The following ATP2B3 variants were observed in gnomAD, a reference collection of about 807,000 sequenced individuals.
The protein encoded by ATP2B3 is plasma membrane calcium-transporting ATPase 3.
Under a neutral mutation model 70.8 loss-of-function variants are expected in ATP2B3, and 12 were observed. The observed-to-expected ratio is 0.17, with a 90% CI of 0.11 to 0.27. The LOEUF (loss-of-function observed/expected upper bound fraction) is 0.27. ATP2B3 is among the 10% of genes least tolerant of loss of function. ATP2B3 has a pLI of 1.00. For synonymous variants in ATP2B3, 460 were observed against 497.8 expected (o/e 0.92, Z 1.01); for missense variants, 858 against 1,118.5 (o/e 0.77, Z 3.32).
intron 21 of ATP2B3, among the ~76,000 whole-genome samples, chrX:153,577,758 T>C (rs782143266): frequency 9.0e-6 from 1 of 111,668 alleles, no homozygotes; most frequent in East Asian, 2.8e-4. Context: ...AAAATTCCAA[T>C]GTGGAGCTTT....
Position 153,530,220 on chromosome X carries a change from G to C in ATP2B3, c.-126-5902G>C, listed in dbSNP as rs185382989. On this transcript the variant is annotated intron_variant, in intron 2 of 21. Coordinates refer to ENST00000263519, the MANE Select transcript of ATP2B3 (RefSeq NM_001001344.3). ...TGAAGGCAGGCAAATGTGTGGTCTC[G>C]AGCTTGACTAGACACCCAGATCCCC... Among the ~76,000 whole-genome samples, 4 of 112,138 alleles carry C rather than the reference G, an allele frequency of 3.6e-5. No homozygotes were observed. The Admixed American group carries it at 3.7e-4, about 10-fold the overall frequency.
At position 153,543,091 on chromosome X, in the gene ATP2B3, G is replaced by A; in HGVS notation, c.839G>A (p.Gly280Asp). Residue 280 changes from glycine (G) to aspartate (D), a missense_variant, in exon 7 of 22, where the codon GGC (glycine) becomes GAC (aspartate). This residue lies in a region of ATP2B3 where 278 missense variants were observed against 366.2 expected (regional missense o/e 0.76). Transcript: ENST00000263519. ...GGAAGAATGGTGGTGACCGCCGTTG[G>A]CGTGAATTCCCAGACAGGCATCATC... ...GSGRMVVTAV[G>D]VNSQTGIIFT... The A allele has an allele frequency of 8.2e-7, 1 of 1,212,255 alleles. No homozygotes were observed. The highest frequency in any genetic ancestry group is 1.1e-6 in the Non-Finnish European group (1 of 895,512).
intron 21 of ATP2B3, among the ~76,000 whole-genome samples, chrX:153,565,506 C>T (rs782512815): frequency 8.9e-6 from 1 of 112,682 alleles, no homozygotes; most frequent in South Asian, 3.6e-4. Flanking sequence ...CAGCCACCAG[C>T]GAGCTCAAGG....
intron 21 of ATP2B3, among the ~76,000 whole-genome samples, chrX:153,567,373 C>T (rs1448143838): frequency 8.8e-6 from 1 of 113,600 alleles, no homozygotes; most frequent in African/African-American, 3.2e-5. Context: ...ATGGGCCCCC[C>T]AGCTGCCCCC....
At position 153,553,275 on chromosome X, in the gene ATP2B3, C is replaced by T; in HGVS notation, c.2058+6C>T. The stretch of plus-strand genomic sequence containing the variant: ...AGGACCCTGTGCGGCCCGAGGTAGC[C>T]ACCACCTTCTCTGTGAGCTGCCCTG... On this transcript the variant is annotated splice_donor_region_variant and intron_variant, in intron 13 of 21. Coordinates refer to ENST00000263519, the MANE Select transcript of ATP2B3 (RefSeq NM_001001344.3). 3.4e-6 allele frequency: 4 copies of T among 1,193,286 alleles called. No homozygotes were observed. The highest frequency in any genetic ancestry group is 4.5e-6 in the Non-Finnish European group (4 of 881,474).
At chrX:153,538,346 G>A (rs938209186) in intron 3 of ATP2B3, among the ~76,000 whole-genome samples, 1 of 113,180 alleles carries the variant, frequency 8.8e-6, no homozygotes, top group Non-Finnish European at 1.9e-5. Context: ...TGGGGCAGGT[G>A]CTTTATGGCG....
chrX:153,566,781 G>A (rs1377409086), intron 21 of ATP2B3, among the ~76,000 whole-genome samples: 9 of 111,160 alleles, frequency 8.1e-5, no homozygotes, highest in African/African-American at 2.9e-4. Context: ...GCCCGCCTGT[G>A]CCACTGCACC....
intron 13 of ATP2B3, among the ~76,000 whole-genome samples, chrX:153,554,163 C>T (rs999470230): frequency 2.6e-5 from 3 of 113,816 alleles, no homozygotes; most frequent in Admixed American, 1.8e-4. Flanking sequence ...ATGGTCACTG[C>T]GCCCAGAGAG....
At chrX:153,564,317 G>A (rs1237381760) in intron 20 of ATP2B3, among the ~76,000 whole-genome samples, 2 of 112,862 alleles carry the variant, frequency 1.8e-5, no homozygotes, top group East Asian at 5.6e-4. Flanking sequence ...CCCAGGCCCC[G>A]GTGTCCAGGG....
At position 153,541,655 on chromosome X, in the gene ATP2B3, T is replaced by C. The variant is rs782598531; in HGVS notation, c.407-14T>C. 2.5e-6 allele frequency: 3 copies of C among 1,206,822 alleles called. No homozygotes were observed. The highest frequency in any genetic ancestry group is 1.8e-5 in the African/African-American group (1 of 56,966). On this transcript the variant is annotated splice_polypyrimidine_tract_variant and intron_variant, in intron 4 of 21. Transcript: ENST00000263519. Reference sequence around the variant, plus strand: ...GATGTCTCCTCCACTGCTTCCCTTCTGTCCTCCGCACAGCCTGTGGGAATG... The same window carrying C: ...GATGTCTCCTCCACTGCTTCCCTTCCGTCCTCCGCACAGCCTGTGGGAATG...
At chrX:153,558,324 TGCCCCA>T in intron 17 of ATP2B3, 21 bp downstream of exon 17, 3 of 1,185,798 alleles carry the variant, frequency 2.5e-6, no homozygotes, top group Non-Finnish European at 3.4e-6. Context: ...GGGGCTGCCA[TGCCCCA>T]GCTAGGACAC....
chrX:153,538,941 G>C (rs971361515), intron 3 of ATP2B3, among the ~76,000 whole-genome samples: 1 of 112,806 alleles, frequency 8.9e-6, no homozygotes, highest in African/African-American at 3.2e-5. Context: ...CAGGGGTCCC[G>C]GCTGCTCTCA....
chrX:153,546,739 A>C (rs974558102), intron 8 of ATP2B3, among the ~76,000 whole-genome samples: 29 of 113,209 alleles, frequency 2.6e-4, no homozygotes, highest in Admixed American at 1.7e-3. Flanking sequence ...AGCCAGCTCT[A>C]GGTGCTGGAG....
At position 153,556,211 on chromosome X, in the gene ATP2B3, C is replaced by G; in HGVS notation, c.2221C>G (p.Arg741Gly). The change falls in exon 14 of 22, where the codon CGC becomes GGC. Residue 741 changes from arginine (R) to glycine (G), a missense_variant. Physicochemically the swap from Arg to Gly is moderately radical, Grantham distance 125. Coordinates refer to ENST00000263519, the MANE Select transcript of ATP2B3 (RefSeq NM_001001344.3). The part of the protein sequence containing the change: ...LEGKEFNRRI[R>G]NEKGEIEQER... ...AGGGAAGGAGTTCAACCGGCGGATC[C>G]GCAATGAGAAAGGCGAGGTAGCACC... 1 of 1,209,517 alleles carries G rather than the reference C, an allele frequency of 8.3e-7. No homozygotes were observed. The highest frequency in any genetic ancestry group is 1.1e-6 in the Non-Finnish European group (1 of 893,821).
intron 2 of ATP2B3, among the ~76,000 whole-genome samples, chrX:153,528,270 G>T (rs2090063893): frequency 8.9e-6 from 1 of 112,415 alleles, no homozygotes; most frequent in African/African-American, 3.2e-5. Context: ...CTCTGCTTCT[G>T]GCTTGCCGTG....
At chrX:153,531,564 C>A (rs2090118526) in intron 2 of ATP2B3, among the ~76,000 whole-genome samples, 1 of 112,908 alleles carries the variant, frequency 8.9e-6, no homozygotes, top group African/African-American at 3.2e-5. Flanking sequence ...GGGCATGTGC[C>A]CAGGTAGGCC....
chrX:153,542,276 C>G, intron 5 of ATP2B3, 47 bp from the exon 6 acceptor site: 2 of 1,204,348 alleles, frequency 1.7e-6, no homozygotes, highest in Non-Finnish European at 2.2e-6. Context: ...CTGGGGCAGC[C>G]GGGAGGAGGC....
At chrX:153,532,718 A>T (rs1209613854) in intron 2 of ATP2B3, among the ~76,000 whole-genome samples, 1 of 111,888 alleles carries the variant, frequency 8.9e-6, no homozygotes, top group East Asian at 2.8e-4. Context: ...GAGCACAGAA[A>T]TGGTATGTTC....
intron 21 of ATP2B3, among the ~76,000 whole-genome samples, chrX:153,571,193 C>G (rs797032190): frequency 1.8e-5 from 2 of 112,376 alleles, no homozygotes; most frequent in South Asian, 7.3e-4. Flanking sequence ...CCCAAAGGGG[C>G]CTCGCCGCCA....
Sources: allele counts gnomAD v4.1 joint callset (sites outside exome capture counted in the v4.1 genomes callset), GRCh38; gene constraint gnomAD v4.1.1; regional missense constraint gnomAD v4.1.1; transcripts MANE v1.5; gene names NCBI Gene and HGNC (gene_info 2026-07-23, HGNC 2026-07-21).